Variants in PRDM6 observed in about 807,000 individuals in gnomAD.
The protein encoded by PRDM6 is PR/SET domain 6, also known as putative histone-lysine N-methyltransferase PRDM6.
A neutral mutation model predicts 60.8 loss-of-function variants in PRDM6; 25 were observed. That is an observed-to-expected ratio of 0.41 (90% CI 0.30 to 0.57). The LOEUF (loss-of-function observed/expected upper bound fraction) is 0.57. Among genes scored for constraint, PRDM6 ranks in the 20% least tolerant of loss-of-function variants. PRDM6 has a pLI of 0.27. For synonymous variants in PRDM6, 407 were observed against 357.4 expected (o/e 1.14, Z -1.57); for missense variants, 839 against 821.3 (o/e 1.02, Z -0.26).
rs1178050591 is a variant in PRDM6, at chr5:123,190,449, A to G, written c.*3248A>G. On this transcript the variant is annotated 3_prime_UTR_variant, in exon 8 of 8. Transcript: ENST00000407847. ...TCTTTAAAAATGACTTTTTTGGAGG[A>G]GATATACTTCTAAAAAGTTATTGTA... The G allele has an allele frequency of 6.6e-6, 1 of 152,140 alleles. No homozygotes were observed. The highest frequency in any genetic ancestry group is 2.4e-5 in the African/African-American group (1 of 41,412). 9.4% of individuals were successfully genotyped at this position (152,140 alleles called of 1,614,324 possible).
At chr5:123,158,138 C>G (rs970889256) in intron 4 of PRDM6, among the ~76,000 whole-genome samples, 2 of 152,204 alleles carry the variant, frequency 1.3e-5, no homozygotes, top group Non-Finnish European at 2.9e-5. Context: ...TCTGCTCTTT[C>G]AGCAGCAAAG....
At chr5:123,149,886 G>A (rs1268161103) in intron 3 of PRDM6, among the ~76,000 whole-genome samples, 2 of 152,072 alleles carry the variant, frequency 1.3e-5, no homozygotes, top group Non-Finnish European at 2.9e-5. Context: ...CCCTGTGTAA[G>A]GTACCTATCA....
In PRDM6 at chr5:123,193,389, A is replaced by G. The variant is rs1580553175; in HGVS notation, c.*6188A>G. On this transcript the variant is annotated 3_prime_UTR_variant, in exon 8 of 8. Transcript: ENST00000407847. ...TTGCCACATGTTGGGGAAAGCAGCC[A>G]TCTTAGAGCAAAAGTCTGCCAACCC... The G allele has an allele frequency of 6.6e-6, 1 of 152,356 alleles. No individual in the cohort carries two copies. The highest frequency in any genetic ancestry group is 2.1e-4 in the South Asian group (1 of 4,830). The allele number at this position is 152,356 out of a possible 1,614,324, so 9.4% of individuals were successfully genotyped here.
At chr5:123,103,369 A>G (rs779578057) in intron 3 of PRDM6, among the ~76,000 whole-genome samples, 15 of 152,194 alleles carry the variant, frequency 9.9e-5, no homozygotes, top group Non-Finnish European at 2.1e-4. Context: ...AAAACAAAAC[A>G]TTACAAGGTG....
intron 5 of PRDM6, among the ~76,000 whole-genome samples, chr5:123,161,257 G>T (rs929157067): frequency 1.3e-5 from 2 of 152,164 alleles, no homozygotes; most frequent in Non-Finnish European, 2.9e-5. Flanking sequence ...AGATGTGTAA[G>T]GAACACCTAC....
chr5:123,122,589 A>G (rs921323407), intron 3 of PRDM6, among the ~76,000 whole-genome samples: 11 of 152,016 alleles, frequency 7.2e-5, no homozygotes, highest in Non-Finnish European at 1.0e-4. Flanking sequence ...AAATCCCTCA[A>G]TGTGTTTGCA....
At chr5:123,138,933 G>A (rs968452747) in intron 3 of PRDM6, among the ~76,000 whole-genome samples, 5 of 152,146 alleles carry the variant, frequency 3.3e-5, no homozygotes, top group Non-Finnish European at 7.3e-5. Flanking sequence ...TAATCCTCAC[G>A]TGTCGAGGGA....
intron 5 of PRDM6, among the ~76,000 whole-genome samples, chr5:123,166,864 C>T (rs1765763309): frequency 6.6e-6 from 1 of 152,226 alleles, no homozygotes; most frequent in South Asian, 2.1e-4. Flanking sequence ...TTGCCCTCTT[C>T]CCCTTAATTT....
At chr5:123,124,970 C>G (rs948529245) in intron 3 of PRDM6, among the ~76,000 whole-genome samples, 5 of 151,904 alleles carry the variant, frequency 3.3e-5, no homozygotes, top group African/African-American at 1.2e-4. Flanking sequence ...AAAAACTTTT[C>G]CTTTTTCTCT....
intron 5 of PRDM6, among the ~76,000 whole-genome samples, chr5:123,163,047 C>T (rs887225574): frequency 6.6e-6 from 1 of 151,150 alleles, no homozygotes; most frequent in Non-Finnish European, 1.5e-5. Flanking sequence ...GAGCTAGCCA[C>T]AAAATAAATT....
rs1237333430 is a variant in PRDM6 at position 123,099,733 on chromosome 5, C to T, written c.672C>T (p.Gly224=). 4.0e-5 allele frequency: 62 copies of T among 1,540,818 alleles called. No homozygotes were observed. The highest frequency in any genetic ancestry group is 4.9e-5 in the Non-Finnish European group (56 of 1,143,140). Residue 224 remains glycine (G), a synonymous_variant, in exon 3 of 8, where the codon GGC becomes GGT. Coordinates refer to ENST00000407847, the MANE Select transcript of PRDM6 (RefSeq NM_001136239.4). The surrounding 1 kb of genome is among the most constrained non-coding windows in gnomAD (Gnocchi z 4.0). ...TGCACTCGCTGCGCCGGCTTGTGGGCACCAGCAGCGCTGCGGCCGCCGCGC... is the reference window on the plus strand; with the variant it reads ...TGCACTCGCTGCGCCGGCTTGTGGGTACCAGCAGCGCTGCGGCCGCCGCGC... The part of the protein sequence containing the change: ...GPLHSLRRLV[G]TSSAAAAAPP...
chr5:123,098,765 C>T (rs1764021817), intron 2 of PRDM6, among the ~76,000 whole-genome samples: 1 of 152,232 alleles, frequency 6.6e-6, no homozygotes, highest in Non-Finnish European at 1.5e-5. Context: ...ATTTGCTATT[C>T]CTTTCTTCCG....
chr5:123,092,950 G>A (rs1763875803), intron 2 of PRDM6, among the ~76,000 whole-genome samples: 1 of 152,142 alleles, frequency 6.6e-6, no homozygotes, highest in Non-Finnish European at 1.5e-5. Context: ...TGCAAATAGT[G>A]GGAAACTCGT....
chr5:123,193,142 G>A lies in PRDM6; in HGVS notation c.*5941G>A, dbSNP rs1201692317. The A allele has an allele frequency of 1.3e-5, 2 of 152,164 alleles. No individual in the cohort carries two copies. The highest frequency in any genetic ancestry group is 1.3e-4 in the Admixed American group (2 of 15,270). The allele number at this position is 152,164 out of a possible 1,614,324, so 9.4% of individuals were successfully genotyped here. ...GATTCTGATTCTAATGGGCACATTT[G>A]TTTGTTGAAATGATAAATATATTTT... On this transcript the variant is annotated 3_prime_UTR_variant, in exon 8 of 8. Transcript: ENST00000407847.
At chr5:123,179,115 C>T (rs776559842) in intron 6 of PRDM6, among the ~76,000 whole-genome samples, 3 of 152,204 alleles carry the variant, frequency 2.0e-5, no homozygotes, top group African/African-American at 7.2e-5. Flanking sequence ...TTTTATATCA[C>T]TCACCAGATT....
intron 7 of PRDM6, among the ~76,000 whole-genome samples, chr5:123,185,723 C>T (rs1766273023): frequency 6.6e-6 from 1 of 152,220 alleles, no homozygotes; most frequent in Non-Finnish European, 1.5e-5. Flanking sequence ...AGTGAAGCTC[C>T]TGCCTCCCAA....
At chr5:123,126,918 G>T (rs973287901) in intron 3 of PRDM6, among the ~76,000 whole-genome samples, 1 of 152,072 alleles carries the variant, frequency 6.6e-6, no homozygotes, top group African/African-American at 2.4e-5. Flanking sequence ...CTTCTTTTGG[G>T]GTGAGGACTG....
intron 3 of PRDM6, among the ~76,000 whole-genome samples, chr5:123,140,924 G>A (rs1297774307): frequency 6.6e-6 from 1 of 151,906 alleles, no homozygotes; most frequent in Non-Finnish European, 1.5e-5. Flanking sequence ...CTTTCATCAG[G>A]CGTGTCCCCC....
In PRDM6 at chr5:123,171,094, G is replaced by A. The variant is rs368205662; in HGVS notation, c.1482G>A (p.Thr494=). 71 of 1,539,752 alleles carry A rather than the reference G, an allele frequency of 4.6e-5. No individual in the cohort carries two copies. Among genetic ancestry groups the A allele is most frequent in the African/African-American group, 3.7e-4 (27 of 72,934 alleles). ...TCCTCTTACAGATGCACGTGTGCAC[G>A]CAGAACCCCGACAGGTAACCCTGAC... is the stretch of plus-strand genomic sequence containing the variant. The part of the protein sequence containing the change: ...QRILLQMHVC[T]QNPDRPYQCG... The change falls in exon 6 of 8, where the codon ACG becomes ACA. Residue 494 remains threonine, a synonymous_variant. Transcript: ENST00000407847.
Sources: allele counts gnomAD v4.1 joint callset (sites outside exome capture counted in the v4.1 genomes callset), GRCh38; gene constraint gnomAD v4.1.1; non-coding constraint Gnocchi (gnomAD v3.1); transcripts MANE v1.5; gene names NCBI Gene and HGNC (gene_info 2026-07-23, HGNC 2026-07-21).